Variants in RYR2 observed in about 807,000 individuals in gnomAD.
RYR2 encodes ryanodine receptor 2.
In RYR2, 227 loss-of-function variants were observed where a neutral mutation model predicts 601.1. That is an observed-to-expected ratio of 0.38 (90% CI 0.34 to 0.42). RYR2 has a LOEUF of 0.42. Ranked by LOEUF, RYR2 falls within the 10% of genes least tolerant of loss-of-function variation. The pLI, the probability that RYR2 is intolerant of heterozygous loss-of-function variation, is 1.00. For missense variants in RYR2, 4,646 were observed against 6,156.5 expected (o/e 0.75, Z 8.21); for synonymous variants, 2,223 against 2,175.1 (o/e 1.02, Z -0.61).
intron 47 of RYR2, among the ~76,000 whole-genome samples, chr1:237,641,517 C>CTTTCTTTCTTTCTT (rs1468789311): frequency 1.6e-5 from 2 of 123,614 alleles, no homozygotes; most frequent in South Asian, 2.6e-4. Context: ...TTCTTTCTTT[C>CTTTCTTTCTTTCTT]TTTCTTTCTT....
At chr1:237,124,033 A>C (rs1377507509) in intron 1 of RYR2, among the ~76,000 whole-genome samples, 1 of 152,188 alleles carries the variant, frequency 6.6e-6, no homozygotes, top group Non-Finnish European at 1.5e-5. Flanking sequence ...TTATCATCTC[A>C]TATTACATCA....
intron 84 of RYR2, among the ~76,000 whole-genome samples, chr1:237,769,633 C>T (rs1427700909): frequency 1.3e-5 from 2 of 152,106 alleles, no homozygotes; most frequent in Non-Finnish European, 2.9e-5. Context: ...AGTCCATCAG[C>T]TCTCTGTCAC....
intron 12 of RYR2, among the ~76,000 whole-genome samples, chr1:237,429,310 G>T (rs926726591): frequency 2.6e-5 from 4 of 152,130 alleles, no homozygotes; most frequent in Admixed American, 2.6e-4. Context: ...AAGTGGCCGG[G>T]CTAGGAACAC....
At chr1:237,118,056 A>G (rs955809399) in intron 1 of RYR2, among the ~76,000 whole-genome samples, 3 of 152,180 alleles carry the variant, frequency 2.0e-5, no homozygotes, top group Non-Finnish European at 4.4e-5. Context: ...GATTGTTTCA[A>G]TCAATTTTCA....
At chr1:237,554,397 T>C (rs1308739105) in intron 27 of RYR2, among the ~76,000 whole-genome samples, 1 of 151,988 alleles carries the variant, frequency 6.6e-6, no homozygotes, top group Admixed American at 6.6e-5. Context: ...TATTTGTTAA[T>C]ATTTTGCTTA....
chr1:237,319,364 A>C (rs1695402606), intron 2 of RYR2, among the ~76,000 whole-genome samples: 1 of 152,072 alleles, frequency 6.6e-6, no homozygotes, highest in South Asian at 2.1e-4. Context: ...CTGGGCTTTT[A>C]CTGTCTGTGT....
At chr1:237,703,974 G>A (rs1688164230) in intron 66 of RYR2, among the ~76,000 whole-genome samples, 1 of 152,084 alleles carries the variant, frequency 6.6e-6, no homozygotes, top group Non-Finnish European at 1.5e-5. Context: ...AAACAAACAA[G>A]CAAACTGATA....
intron 1 of RYR2, among the ~76,000 whole-genome samples, chr1:237,123,152 C>T (rs1217052665): frequency 1.3e-5 from 2 of 152,174 alleles, no homozygotes; most frequent in Non-Finnish European, 2.9e-5. Flanking sequence ...GTGAGAACCA[C>T]ATTTTTCATA....
intron 1 of RYR2, among the ~76,000 whole-genome samples, chr1:237,172,253 G>A (rs1420529657): frequency 1.3e-5 from 2 of 152,170 alleles, no homozygotes; most frequent in African/African-American, 4.8e-5. Context: ...GTTTGCTGTT[G>A]GGTAGGTGAA....
At chr1:237,364,732 A>G (rs574844902) in intron 5 of RYR2, among the ~76,000 whole-genome samples, 1 of 152,302 alleles carries the variant, frequency 6.6e-6, no homozygotes, top group South Asian at 2.1e-4. Flanking sequence ...TAACATTAAG[A>G]ATTTCTCTTA....
chr1:237,773,645 T>A lies in RYR2; in HGVS notation c.11772T>A (p.Ile3924=). Residue 3924 remains isoleucine (I), a synonymous_variant, in exon 87 of 105, where the codon ATT becomes ATA. Transcript: ENST00000366574. The part of the protein sequence containing the change: ...KQVFNTLTEY[I]QGPCTGNQQS... ...TCTTTAACACTCTTACAGAGTATATTCAGGTAAACATTTAAACATGGCTGC... is the reference window on the plus strand; with the variant it reads ...TCTTTAACACTCTTACAGAGTATATACAGGTAAACATTTAAACATGGCTGC... The A allele has an allele frequency of 1.2e-6, 2 of 1,611,384 alleles. No homozygotes were observed. Among genetic ancestry groups the A allele is most frequent in the Non-Finnish European group, 1.7e-6 (2 of 1,178,240 alleles).
intron 51 of RYR2, 43 bp from the exon 52 acceptor site, chr1:237,654,231 G>C (rs1238963428): frequency 1.2e-6 from 2 of 1,600,454 alleles, no homozygotes; most frequent in East Asian, 2.2e-5. Context: ...AAATATAAAA[G>C]GTTTTGATAG....
intron 1 of RYR2, among the ~76,000 whole-genome samples, chr1:237,131,907 G>A (rs2490377): frequency 0.57 from 86,940 of 151,660 alleles, 25,350 homozygotes; most frequent in South Asian, 0.72. Flanking sequence ...AAATGTGTAT[G>A]TAGGTGGGGA....
At chr1:237,355,305 A>G (rs534043701) in intron 3 of RYR2, among the ~76,000 whole-genome samples, 17 of 152,152 alleles carry the variant, frequency 1.1e-4, no homozygotes, top group Non-Finnish European at 2.4e-4. Context: ...CGTTGTAGAG[A>G]CAGTCTTTGT....
At chr1:237,594,890 T>TTTTTGTTTTTG (rs1328193509) in intron 33 of RYR2, among the ~76,000 whole-genome samples, 1 of 13,532 alleles carries the variant, frequency 7.4e-5, no homozygotes, top group African/African-American at 1.3e-4. Context: ...CACTGGGTTT[T>TTTTTGTTTTTG]TTTTTTTTTT....
intron 1 of RYR2, among the ~76,000 whole-genome samples, chr1:237,137,556 G>A (rs1418268980): frequency 7.2e-5 from 11 of 152,176 alleles, no homozygotes; most frequent in African/African-American, 2.4e-4. Context: ...CCGTAAATTG[G>A]TAGCAAATGA....
intron 1 of RYR2, among the ~76,000 whole-genome samples, chr1:237,212,802 T>C (rs1256133525): frequency 6.6e-6 from 1 of 152,156 alleles, no homozygotes; most frequent in Admixed American, 6.5e-5. Context: ...TGAGACGAAG[T>C]CTTGCTCTGT....
rs775400701 is a variant in RYR2 at position 237,649,910 on chromosome 1, C to T, written c.7546C>T (p.Leu2516Phe). Residue 2516 changes from leucine (L) to phenylalanine (F), a missense_variant, in exon 50 of 105, where the codon CTC becomes TTC. Physicochemically the swap from Leu to Phe is conservative, Grantham distance 22 (BLOSUM62 0). This residue lies in a region of RYR2 where 1,497 missense variants were observed against 1,842.6 expected (regional missense o/e 0.81). Transcript: ENST00000366574. ...ALSATDMALA[L>F]NRYLCTAVLP... ...GAGTGCTACAGACATGGCCTTGGCC[C>T]TCAATCGGTACCTTTGCACAGCCGT... 4.3e-6 allele frequency: 7 copies of T among 1,613,930 alleles called. No individual in the cohort carries two copies. In the South Asian group the frequency reaches 7.7e-5, roughly 18 times the overall value.
intron 58 of RYR2, 54 bp downstream of exon 58, chr1:237,668,012 G>A: frequency 1.5e-6 from 2 of 1,362,352 alleles, no homozygotes; most frequent in African/African-American, 2.9e-5. Context: ...AATTCCATGA[G>A]TGTATGGATG....
Sources: allele counts gnomAD v4.1 joint callset (sites outside exome capture counted in the v4.1 genomes callset), GRCh38; gene constraint gnomAD v4.1.1; regional missense constraint gnomAD v4.1.1; transcripts MANE v1.5; gene names NCBI Gene and HGNC (gene_info 2026-07-23, HGNC 2026-07-21).